Variants in CORO2B observed in about 807,000 individuals in gnomAD.
CORO2B encodes coronin-2B.
A neutral mutation model predicts 58.8 loss-of-function variants in CORO2B; 26 were observed. That is an observed-to-expected ratio of 0.44 (90% confidence interval 0.32 to 0.61). The LOEUF is 0.61. CORO2B is among the 20% of genes least tolerant of loss of function. The pLI, the probability that CORO2B is intolerant of heterozygous loss-of-function variation, is 0.04. For missense variants in CORO2B, 460 were observed against 645.1 expected (o/e 0.71, Z 3.11); for synonymous variants, 242 against 253.8 (o/e 0.95, Z 0.44).
At chr15:68,654,125 G>C (rs992471710) in intron 2 of CORO2B, among the ~76,000 whole-genome samples, 4 of 152,226 alleles carry the variant, frequency 2.6e-5, no homozygotes, top group African/African-American at 9.6e-5. Context: ...TCTGAGGCTC[G>C]AGATTGACAG....
At chr15:68,576,054 G>A (rs1319684270), upstream of CORO2B, among the ~76,000 whole-genome samples, 1 of 150,692 alleles carries the variant, frequency 6.6e-6, no homozygotes, top group Non-Finnish European at 1.5e-5. Flanking sequence ...TCAGGAGGTG[G>A]AGGTGGGAGA....
At chr15:68,570,169 C>G in the CORO2B span, among the ~76,000 whole-genome samples, 1 of 152,274 alleles carries the variant, frequency 6.6e-6, no homozygotes, top group Non-Finnish European at 1.5e-5. Flanking sequence ...GAGTTGGATA[C>G]GGGGTTTAAT....
chr15:68,615,441 AT>A (rs980331369), intron 1 of CORO2B, among the ~76,000 whole-genome samples: 1 of 152,108 alleles, frequency 6.6e-6, no homozygotes, highest in Non-Finnish European at 1.5e-5. Flanking sequence ...GTTTTCAAAT[AT>A]TTGTGATGTT....
chr15:68,647,255 T>C lies in CORO2B; in HGVS notation c.216+1895T>C, dbSNP rs547756386. Among the ~76,000 whole-genome samples, 3 of 152,288 alleles carry C rather than the reference T, an allele frequency of 2.0e-5. No homozygotes were observed. The East Asian group carries it at 5.8e-4, about 29-fold the overall frequency. ...AAATGAATAGGTTAGAATAAATTTT[T>C]AAAAGACAGTTTCTGTATTACAATG... On this transcript the variant is annotated intron_variant, in intron 2 of 11. Transcript: ENST00000261861.
chr15:68,689,738 T>A (rs1205914967), intron 2 of CORO2B, among the ~76,000 whole-genome samples: 1 of 152,242 alleles, frequency 6.6e-6, no homozygotes, highest in Non-Finnish European at 1.5e-5. Flanking sequence ...TGACATTTTT[T>A]AAAAATTTAC....
intron 1 of CORO2B, among the ~76,000 whole-genome samples, chr15:68,628,569 A>G (rs1211740414): frequency 2.6e-5 from 4 of 152,236 alleles, no homozygotes; most frequent in Admixed American, 6.5e-5. Context: ...GGACTTTACA[A>G]TAGCTACATG....
intron 1 of CORO2B, among the ~76,000 whole-genome samples, chr15:68,598,972 G>T (rs1899907713): frequency 1.3e-5 from 2 of 152,080 alleles, no homozygotes; most frequent in Admixed American, 1.3e-4. Flanking sequence ...AGGGGTTAGG[G>T]GATCCACCAG....
At chr15:68,596,474 C>G (rs144768135) in intron 1 of CORO2B, among the ~76,000 whole-genome samples, 14 of 152,230 alleles carry the variant, frequency 9.2e-5, no homozygotes, top group African/African-American at 2.4e-4. Context: ...GAGGCTCCAG[C>G]AGGAGCCTGC....
In CORO2B at chr15:68,683,153, G is replaced by A. The variant is rs139483695; in HGVS notation, c.217-11987G>A. On this transcript the variant is annotated intron_variant, in intron 2 of 11. Coordinates refer to ENST00000261861, the MANE Select transcript of CORO2B (RefSeq NM_006091.5). ...TCCTGACCTTGACGGAGCTCCACCCGCCCAGGGTCCTCCATGCCTATATCT... is the reference window on the plus strand; with the variant it reads ...TCCTGACCTTGACGGAGCTCCACCCACCCAGGGTCCTCCATGCCTATATCT... Among the ~76,000 whole-genome samples the A allele has an allele frequency of 4.0e-3, 610 of 152,288 alleles. 8 individuals carry two copies. The highest frequency in any genetic ancestry group is 0.011 in the African/African-American group (476 of 41,574).
At chr15:68,587,825 A>G (rs971718398) in intron 1 of CORO2B, among the ~76,000 whole-genome samples, 1 of 152,212 alleles carries the variant, frequency 6.6e-6, no homozygotes, top group African/African-American at 2.4e-5. Flanking sequence ...CAGTGTTCCC[A>G]CAGCCAGTCA....
intron 5 of CORO2B, among the ~76,000 whole-genome samples, chr15:68,712,209 T>G (rs912407054): frequency 5.3e-5 from 8 of 152,104 alleles, no homozygotes; most frequent in African/African-American, 1.9e-4. Context: ...AAATTACCAT[T>G]TTTTGAGCAC....
At chr15:68,607,817 C>CAAA (rs34353055) in intron 1 of CORO2B, among the ~76,000 whole-genome samples, 2 of 106,228 alleles carry the variant, frequency 1.9e-5, no homozygotes, top group Non-Finnish European at 2.0e-5. Context: ...GACCCTATCT[C>CAAA]AAAAAAAAAA....
intron 1 of CORO2B, among the ~76,000 whole-genome samples, chr15:68,603,443 T>G (rs969263917): frequency 1.3e-5 from 2 of 152,068 alleles, no homozygotes; most frequent in African/African-American, 2.4e-5. Context: ...GCAGCAACAG[T>G]GCGAGGTCAT....
intron 1 of CORO2B, among the ~76,000 whole-genome samples, chr15:68,587,853 G>T (rs755347536): frequency 7.2e-5 from 11 of 152,164 alleles, no homozygotes; most frequent in Non-Finnish European, 1.2e-4. Context: ...AGCCTGCCTC[G>T]CAGGCCTTCT....
At chr15:68,690,393 C>T (rs940785069) in intron 2 of CORO2B, among the ~76,000 whole-genome samples, 3 of 152,084 alleles carry the variant, frequency 2.0e-5, no homozygotes, top group African/African-American at 4.8e-5. Flanking sequence ...AATTACATGC[C>T]TTTACCACTG....
chr15:68,568,271 C>A, the CORO2B span, among the ~76,000 whole-genome samples: 1 of 151,730 alleles, frequency 6.6e-6, no homozygotes, highest in African/African-American at 2.4e-5. Flanking sequence ...CCCCACCCCA[C>A]CCCCATCCCC....
chr15:68,606,754 C>T (rs928100794), intron 1 of CORO2B, among the ~76,000 whole-genome samples: 2 of 152,034 alleles, frequency 1.3e-5, no homozygotes, highest in African/African-American at 2.4e-5. Flanking sequence ...TAACTGAACA[C>T]GGAGTTATGT....
the CORO2B span, among the ~76,000 whole-genome samples, chr15:68,525,341 G>T: frequency 3.9e-5 from 6 of 152,178 alleles, no homozygotes; most frequent in African/African-American, 1.4e-4. Context: ...AGCTTTCTGT[G>T]AAACATTGCT....
the CORO2B span, among the ~76,000 whole-genome samples, chr15:68,536,475 G>A: frequency 1.3e-5 from 2 of 152,164 alleles, no homozygotes; most frequent in Non-Finnish European, 2.9e-5. Context: ...CAGAATCCCT[G>A]GTCTATAATA....
Sources: gnomAD v4.1 joint callset for allele counts (sites outside exome capture counted in the v4.1 genomes callset) on GRCh38, gnomAD v4.1.1 for gene constraint, MANE v1.5 for transcripts, NCBI Gene and HGNC (gene_info 2026-07-23, HGNC 2026-07-21) for gene names.